The following PTPMT1 variants were observed in gnomAD, a reference collection of about 807,000 sequenced individuals.
PTPMT1 encodes the protein phosphatidylglycerophosphatase and protein-tyrosine phosphatase 1.
A neutral mutation model predicts 17.8 loss-of-function variants in PTPMT1; 12 were observed. The ratio of observed to expected loss-of-function variants is 0.67; its 90% CI spans 0.43 to 1.09. PTPMT1 has a LOEUF of 1.09. Ranked by LOEUF, PTPMT1 falls within the 50% of genes least tolerant of loss-of-function variation. The pLI is 0.00. For synonymous variants in PTPMT1, 132 were observed against 116.8 expected (o/e 1.13, Z -0.84); for missense variants, 262 against 266.0 (o/e 0.99, Z 0.10).
At position 47,572,902 on chromosome 11, in the gene PTPMT1, GAGC is replaced by G; in HGVS notation, c.*1276_*1278del. The G allele has an allele frequency of 6.3e-7, 1 of 1,591,768 alleles. No homozygotes were observed. Among genetic ancestry groups the G allele is most frequent in the Non-Finnish European group, 8.6e-7 (1 of 1,166,648 alleles). On this transcript the variant is annotated 3_prime_UTR_variant, in exon 4 of 4. Coordinates refer to ENST00000326674, the MANE Select transcript of PTPMT1 (RefSeq NM_175732.3). ...GTTTGTATGGGGAGGGAAAAGGAGT[GAGC>G]AGTTCTCCTCCCCTCCCCACAGCCT...
In PTPMT1 at chr11:47,571,633, A is replaced by G. The variant is rs755688426; in HGVS notation, c.*4A>G. 2.4e-5 allele frequency: 39 copies of G among 1,613,912 alleles called. No homozygotes were observed. In the Admixed American group the frequency reaches 5.0e-4, roughly 21 times the overall value. On this transcript the variant is annotated 3_prime_UTR_variant, in exon 4 of 4. Coordinates refer to ENST00000326674, the MANE Select transcript of PTPMT1 (RefSeq NM_175732.3). ...TTTTGTCATTTCAAAGACATGATGT[A>G]TGGGGATTAGAAAGAACTCAAGACA...
chr11:47,567,559 CT>C (rs370022255), intron 2 of PTPMT1, among the ~76,000 whole-genome samples: 82 of 116,172 alleles, frequency 7.1e-4, no homozygotes, highest in East Asian at 5.6e-3. Flanking sequence ...TATTTCTTTT[CT>C]TTTTTTTTTT....
intron 3 of PTPMT1, 41 bp downstream of exon 3, chr11:47,569,932 T>A (rs1224014287): frequency 1.3e-6 from 2 of 1,525,726 alleles, no homozygotes; most frequent in Non-Finnish European, 1.8e-6. Flanking sequence ...TGGTACACAC[T>A]TATGATCCCA....
chr11:47,569,039 G>A (rs866306615), intron 2 of PTPMT1, among the ~76,000 whole-genome samples: 1 of 152,014 alleles, frequency 6.6e-6, no homozygotes, highest in African/African-American at 2.4e-5. Context: ...CAGCTAAAAT[G>A]TATATAGCTA....
At chr11:47,567,469 G>A (rs2097246652) in intron 2 of PTPMT1, among the ~76,000 whole-genome samples, 1 of 151,730 alleles carries the variant, frequency 6.6e-6, no homozygotes, top group East Asian at 1.9e-4. Flanking sequence ...TCATTATTAA[G>A]AGGTTAATAA....
chr11:47,572,130 C>G lies in PTPMT1; in HGVS notation c.*501C>G, dbSNP rs1161724066. 6.5e-6 allele frequency: 1 copy of G among 153,366 alleles called. No individual in the cohort carries two copies. 9.5% of individuals were successfully genotyped at this position (153,366 alleles called of 1,614,324 possible). On this transcript the variant is annotated 3_prime_UTR_variant, in exon 4 of 4. Coordinates refer to ENST00000326674, the MANE Select transcript of PTPMT1 (RefSeq NM_175732.3). ...CATGTGATGGTACGTAATGAGTTCC[C>G]CTGAGGGAATGAAACACCCTCACCC...
Position 47,569,775 on chromosome 11 carries a change from C to T in PTPMT1, c.331C>T (p.Leu111Phe). 6.2e-7 allele frequency: 1 copy of T among 1,614,140 alleles called. No homozygotes were observed. The highest frequency in any genetic ancestry group is 1.3e-5 in the African/African-American group (1 of 75,044). Reference sequence around the variant, plus strand: ...GACTGGGATCCCCACCTTGGACAACCTCCAGAAGGGAGTCCAATTTGCTCT... The same window carrying T: ...GACTGGGATCCCCACCTTGGACAACTTCCAGAAGGGAGTCCAATTTGCTCT... ...DMTGIPTLDN[L>F]QKGVQFALKY... Residue 111 changes from leucine (L) to phenylalanine (F), a missense_variant, in exon 3 of 4, where the codon CTC becomes TTC. By Grantham distance (22) the Leu-to-Phe change is conservative. Coordinates refer to ENST00000326674, the MANE Select transcript of PTPMT1 (RefSeq NM_175732.3).
intron 2 of PTPMT1, among the ~76,000 whole-genome samples, chr11:47,566,288 G>C (rs2097244124): frequency 6.6e-6 from 1 of 152,094 alleles, no homozygotes; most frequent in Admixed American, 6.6e-5. Flanking sequence ...TTCCTGACCA[G>C]CCTGGGCAAC....
chr11:47,571,612 G>T lies in PTPMT1; in HGVS notation c.589G>T (p.Val197Phe), dbSNP rs766815945. 1 of 1,613,988 alleles carries T rather than the reference G, an allele frequency of 6.2e-7. No homozygotes were observed. Among genetic ancestry groups the T allele is most frequent in the Non-Finnish European group, 8.5e-7 (1 of 1,180,010 alleles). The part of the protein sequence containing the change: ...TARATKDGTF[V>F]ISKT ...ACGGGCAACAAAGGATGGGACTTTT[G>T]TCATTTCAAAGACATGATGTATGGG... The change falls in exon 4 of 4, where the codon GTC becomes TTC. Residue 197 changes from valine (V) to phenylalanine (F), a missense_variant. Transcript: ENST00000326674.
chr11:47,567,135 C>T (rs1191466127), intron 2 of PTPMT1, among the ~76,000 whole-genome samples: 1 of 152,056 alleles, frequency 6.6e-6, no homozygotes, highest in Non-Finnish European at 1.5e-5. Flanking sequence ...CGTGGTGGCT[C>T]TCACACCTGT....
chr11:47,568,970 C>T (rs928311835), intron 2 of PTPMT1, among the ~76,000 whole-genome samples: 8 of 151,484 alleles, frequency 5.3e-5, no homozygotes, highest in South Asian at 4.2e-4. Context: ...GGATTACAGG[C>T]GTGAGCCACC....
chr11:47,571,418 C>A (rs1208936703), intron 3 of PTPMT1, 53 bp from the exon 4 acceptor site: 89 of 1,580,622 alleles, frequency 5.6e-5, no homozygotes, highest in Non-Finnish European at 7.4e-5. Context: ...GTCAAGGGCA[C>A]CTTGACACCT....
In PTPMT1 at chr11:47,573,378, CCT is replaced by C. The variant is rs779031903; in HGVS notation, c.*1750_*1751del. 8.1e-6 allele frequency: 13 copies of C among 1,614,088 alleles called. No homozygotes were observed. Among genetic ancestry groups the C allele is most frequent in the East Asian group, 6.7e-5 (3 of 44,900 alleles). On this transcript the variant is annotated 3_prime_UTR_variant, in exon 4 of 4. Coordinates refer to ENST00000326674, the MANE Select transcript of PTPMT1 (RefSeq NM_175732.3). The surrounding 1 kb of genome is among the most constrained non-coding windows in gnomAD (Gnocchi z 4.1). ...CCCGTTGAGGTTGGCACCAGCAGCCCCTGACACAGCCACCTCTAGCTGAGTTG... is the reference window on the plus strand; with the variant it reads ...CCCGTTGAGGTTGGCACCAGCAGCCCGACACAGCCACCTCTAGCTGAGTTG...
chr11:47,565,876 C>T (rs1290595788), intron 1 of PTPMT1, 30 bp from the exon 2 acceptor site: 1 of 1,612,134 alleles, frequency 6.2e-7, no homozygotes, highest in Non-Finnish European at 8.5e-7. Context: ...TCTCCACCGT[C>T]TTTGCTGAGC....
chr11:47,573,400 G>A lies in PTPMT1; in HGVS notation c.*1771G>A, dbSNP rs755548747. On this transcript the variant is annotated 3_prime_UTR_variant, in exon 4 of 4. Transcript: ENST00000326674. This position sits in a 1 kb window ranked among gnomAD's most constrained non-coding sequence, Gnocchi z 4.1. The stretch of plus-strand genomic sequence containing the variant: ...GCCCCTGACACAGCCACCTCTAGCT[G>A]AGTTGTCTCTGTCCACACATTATCA... 1.9e-6 allele frequency: 3 copies of A among 1,614,066 alleles called. No homozygotes were observed. Among genetic ancestry groups the A allele is most frequent in the African/African-American group, 1.3e-5 (1 of 74,914 alleles).
chr11:47,572,039 T>A lies in PTPMT1; in HGVS notation c.*410T>A, dbSNP rs1429036183. On this transcript the variant is annotated 3_prime_UTR_variant, in exon 4 of 4. Coordinates refer to ENST00000326674, the MANE Select transcript of PTPMT1 (RefSeq NM_175732.3). The stretch of plus-strand genomic sequence containing the variant: ...CAGAATCTGAATCTCACTGGCCCTG[T>A]GGAGTAGGGATCCTATCTGGAGAAG... 1 of 162,086 alleles carries A rather than the reference T, an allele frequency of 6.2e-6. No homozygotes were observed. Among genetic ancestry groups the A allele is most frequent in the Admixed American group, 6.2e-5 (1 of 16,122 alleles). The allele number at this position is 162,086 out of a possible 1,614,324, so 10.0% of individuals were successfully genotyped here. A position where few individuals can be genotyped will look rare whatever the true frequency, so the allele number is the denominator to read the frequency against.
At chr11:47,566,010 G>A (rs1275468185) in intron 2 of PTPMT1, 24 bp downstream of exon 2, 5 of 1,421,646 alleles carry the variant, frequency 3.5e-6, no homozygotes, top group Non-Finnish European at 4.6e-6. Context: ...CCGAGGGGCA[G>A]GCTCGGGGGC....
intron 3 of PTPMT1, among the ~76,000 whole-genome samples, chr11:47,570,386 G>A (rs1286538549): frequency 6.6e-6 from 1 of 152,118 alleles, no homozygotes; most frequent in Non-Finnish European, 1.5e-5. Context: ...CTGCCAGTGA[G>A]GATCAGCAAA....
chr11:47,571,534 A>G lies in PTPMT1; in HGVS notation c.511A>G (p.Ile171Val). Residue 171 changes from isoleucine (I) to valine (V), a missense_variant, in exon 4 of 4, where the codon ATC (isoleucine) becomes GTC (valine). Transcript: ENST00000326674. ...CGCCAAGATCCGGTCATACATCCAC[A>G]TCAGGCCTGGCCAGCTGGATGTTCT... is the stretch of plus-strand genomic sequence containing the variant. ...AIAKIRSYIH[I>V]RPGQLDVLKE... The G allele has an allele frequency of 6.2e-7, 1 of 1,614,016 alleles. No homozygotes were observed.
Sources: allele counts gnomAD v4.1 joint callset (sites outside exome capture counted in the v4.1 genomes callset), GRCh38; gene constraint gnomAD v4.1.1; non-coding constraint Gnocchi (gnomAD v3.1); transcripts MANE v1.5; gene names NCBI Gene and HGNC (gene_info 2026-07-23, HGNC 2026-07-21).